PTPRN2: variants seen among roughly 807,000 people sequenced by gnomAD.
PTPRN2 encodes the protein protein tyrosine phosphatase receptor type N2, also known as receptor-type tyrosine-protein phosphatase N2.
Under a neutral mutation model 118.8 loss-of-function variants are expected in PTPRN2, and 74 were observed. The observed-to-expected ratio is 0.62, with a 90% confidence interval of 0.52 to 0.76. The LOEUF (loss-of-function observed/expected upper bound fraction) is 0.76, where lower values mean the gene tolerates loss of function less well. Among genes scored for constraint, PTPRN2 ranks in the 30% least tolerant of loss-of-function variants. The pLI, the probability that PTPRN2 is intolerant of heterozygous loss-of-function variation, is 0.00. For synonymous variants in PTPRN2, 641 were observed against 608.0 expected (o/e 1.05, Z -0.80); for missense variants, 1,481 against 1,394.4 (o/e 1.06, Z -0.99).
At chr7:157,620,046 G>A (rs1272626402) in intron 15 of PTPRN2, among the ~76,000 whole-genome samples, 1 of 152,186 alleles carries the variant, frequency 6.6e-6, no homozygotes, top group Non-Finnish European at 1.5e-5. Flanking sequence ...TCAGAGACAT[G>A]CGCAAGGGCC....
At chr7:158,041,402 C>T (rs982077937) in intron 11 of PTPRN2, among the ~76,000 whole-genome samples, 2 of 152,172 alleles carry the variant, frequency 1.3e-5, no homozygotes, top group Admixed American at 1.3e-4. Context: ...CCTTGGGAGG[C>T]TGAGGTGGGT....
chr7:157,609,776 G>A lies in PTPRN2; in HGVS notation c.2345-5701C>T, dbSNP rs1449680474. On this transcript the variant is annotated intron_variant, in intron 15 of 22. Coordinates refer to ENST00000389418, the MANE Select transcript of PTPRN2 (RefSeq NM_002847.5). This position sits in a 1 kb window ranked among gnomAD's most constrained non-coding sequence, Gnocchi z 4.9. ...TGACGGTGGACACGCACCCAACTGCGCAGGTCAGCCAAGCTGGCAAAGCGT... is the reference window on the plus strand; with the variant it reads ...TGACGGTGGACACGCACCCAACTGCACAGGTCAGCCAAGCTGGCAAAGCGT... 6.6e-6 allele frequency among the ~76,000 whole-genome samples: 1 copy of A among 152,214 alleles called. No homozygotes were observed. Among genetic ancestry groups the A allele is most frequent in the Non-Finnish European group, 1.5e-5 (1 of 68,046 alleles).
chr7:158,221,144 T>A (rs1262610752), intron 3 of PTPRN2, among the ~76,000 whole-genome samples: 1 of 152,124 alleles, frequency 6.6e-6, no homozygotes, highest in Non-Finnish European at 1.5e-5. Flanking sequence ...TAAATGGTGC[T>A]AGGATAGCTG....
chr7:158,303,120 TG>T (rs1213693915), intron 3 of PTPRN2, among the ~76,000 whole-genome samples: 1 of 151,466 alleles, frequency 6.6e-6, no homozygotes, highest in African/African-American at 2.4e-5. Flanking sequence ...TCTAAAGTGT[TG>T]GCAATTTTAA....
chr7:158,005,632 G>A (rs967077493), intron 11 of PTPRN2, among the ~76,000 whole-genome samples: 5 of 152,212 alleles, frequency 3.3e-5, no homozygotes, highest in Non-Finnish European at 7.3e-5. Context: ...AAGATGGGGT[G>A]CAGGGGGAGG....
chr7:158,337,781 A>T (rs1805977143), intron 2 of PTPRN2, among the ~76,000 whole-genome samples: 3 of 75,456 alleles, frequency 4.0e-5, no homozygotes, highest in African/African-American at 1.7e-4. Context: ...CGTCACTCAC[A>T]CCCACACTCT....
chr7:158,125,640 C>G (rs1385560593), intron 9 of PTPRN2, among the ~76,000 whole-genome samples: 1 of 152,084 alleles, frequency 6.6e-6, no homozygotes, highest in East Asian at 1.9e-4. Flanking sequence ...CTTTTAAGAC[C>G]ACAAAGCAAA....
At chr7:158,379,757 C>T (rs1233015480) in intron 2 of PTPRN2, among the ~76,000 whole-genome samples, 2 of 152,170 alleles carry the variant, frequency 1.3e-5, no homozygotes, top group Non-Finnish European at 2.9e-5. Context: ...TGGGGACCCC[C>T]TAGCTGTATT....
At chr7:157,759,448 G>A (rs1325394774) in intron 12 of PTPRN2, among the ~76,000 whole-genome samples, 3 of 152,224 alleles carry the variant, frequency 2.0e-5, no homozygotes, top group African/African-American at 4.8e-5. Context: ...AGTGTCAGCC[G>A]CTTGGCCCAG....
At chr7:158,263,005 C>T (rs559957292) in intron 3 of PTPRN2, among the ~76,000 whole-genome samples, 2 of 149,666 alleles carry the variant, frequency 1.3e-5, no homozygotes, top group Non-Finnish European at 3.0e-5. Flanking sequence ...ATTGCACACA[C>T]ACATTCACAC....
chr7:157,752,881 C>T (rs189433497), intron 12 of PTPRN2, among the ~76,000 whole-genome samples: 13 of 152,376 alleles, frequency 8.5e-5, no homozygotes, highest in African/African-American at 2.4e-4. Flanking sequence ...GCAGCAGCCA[C>T]GCCGCCTTTC....
At chr7:157,800,868 C>A (rs1018340414) in intron 12 of PTPRN2, among the ~76,000 whole-genome samples, 2 of 151,736 alleles carry the variant, frequency 1.3e-5, no homozygotes, top group Admixed American at 6.6e-5. Flanking sequence ...AGGAGAATGG[C>A]GTGAACCCGG....
At chr7:158,489,658 C>A (rs1287422708) in intron 2 of PTPRN2, 77 bp downstream of exon 2, 24 of 1,437,506 alleles carry the variant, frequency 1.7e-5, no homozygotes, top group Non-Finnish European at 2.2e-5. Context: ...AGCGGCGGGG[C>A]TCACCAGGCT....
At chr7:158,564,619 C>T (rs999236601) in intron 1 of PTPRN2, among the ~76,000 whole-genome samples, 12 of 152,236 alleles carry the variant, frequency 7.9e-5, no homozygotes, top group African/African-American at 2.4e-4. Context: ...CCCCTGCCCA[C>T]CCTTCATGCC....
At chr7:158,521,624 A>G (rs377599856) in intron 1 of PTPRN2, among the ~76,000 whole-genome samples, 2,041 of 97,990 alleles carry the variant, frequency 0.021, 143 homozygotes, top group Middle Eastern at 0.034. Context: ...GTGGCTCAGG[A>G]GGGAGGTCCA....
intron 2 of PTPRN2, among the ~76,000 whole-genome samples, chr7:158,458,913 C>T (rs946541107): frequency 5.3e-5 from 8 of 152,174 alleles, no homozygotes; most frequent in African/African-American, 7.2e-5. Flanking sequence ...GCACCCTCCA[C>T]GCAGCACAGG....
intron 2 of PTPRN2, among the ~76,000 whole-genome samples, chr7:158,337,769 A>T (rs62481686): frequency 6.4e-4 from 15 of 23,298 alleles, no homozygotes; most frequent in Admixed American, 8.3e-4. Flanking sequence ...GACACCTGCA[A>T]ACGTCACTCA....
At chr7:157,833,073 G>A (rs764109478) in intron 12 of PTPRN2, among the ~76,000 whole-genome samples, 7 of 151,192 alleles carry the variant, frequency 4.6e-5, no homozygotes, top group Non-Finnish European at 4.4e-5. Context: ...TGATGTGGCC[G>A]GTGCCCATCC....
intron 11 of PTPRN2, among the ~76,000 whole-genome samples, chr7:157,988,426 C>T (rs1803972596): frequency 6.6e-6 from 1 of 152,194 alleles, no homozygotes; most frequent in Non-Finnish European, 1.5e-5. Flanking sequence ...GAGCAGAGGA[C>T]AGTGTCCTGC....
Sources: allele counts gnomAD v4.1 joint callset (sites outside exome capture counted in the v4.1 genomes callset), GRCh38; gene constraint gnomAD v4.1.1; non-coding constraint Gnocchi (gnomAD v3.1); transcripts MANE v1.5; gene names NCBI Gene and HGNC (gene_info 2026-07-23, HGNC 2026-07-21).